The following DLG2 variants were observed in gnomAD, a reference collection of about 807,000 sequenced individuals.
The protein encoded by DLG2 is discs large MAGUK scaffold protein 2, also known as disks large homolog 2.
A neutral mutation model predicts 132.5 loss-of-function variants in DLG2; 45 were observed. The ratio of observed to expected loss-of-function variants is 0.34; its 90% CI spans 0.27 to 0.44. The LOEUF is 0.44. Among genes scored for constraint, DLG2 ranks in the 20% least tolerant of loss-of-function variants. The probability of loss-of-function intolerance (pLI) is 1.00; values close to 1 mark genes in which losing one functional copy is unlikely to be tolerated. For synonymous variants in DLG2, 424 were observed against 419.6 expected, an observed-to-expected ratio of 1.01 and a Z score of -0.13; for missense variants, 1,045 against 1,196.9, an observed-to-expected ratio of 0.87 and a Z score of 1.87.
chr11:84,266,552 G>A (rs2097639216), intron 7 of DLG2, among the ~76,000 whole-genome samples: 1 of 152,156 alleles, frequency 6.6e-6, no homozygotes, highest in Admixed American at 6.5e-5. Context: ...TAAGAGGAAG[G>A]AAACAGGGAA....
chr11:85,177,306 C>CACACAT (rs2079354931), intron 4 of DLG2, among the ~76,000 whole-genome samples: 3 of 150,626 alleles, frequency 2.0e-5, no homozygotes, highest in Admixed American at 6.6e-5. Flanking sequence ...CACACACACA[C>CACACAT]ACATACATAC....
At chr11:85,083,049 A>T (rs1334861812) in intron 6 of DLG2, among the ~76,000 whole-genome samples, 1 of 152,066 alleles carries the variant, frequency 6.6e-6, no homozygotes, top group Non-Finnish European at 1.5e-5. Context: ...ACTGTCTACC[A>T]TCTCAGTAGC....
Position 85,463,960 on chromosome 11 carries a change from A to ATATAT in DLG2, c.40+134692_40+134696dup, listed in dbSNP as rs2092697391. Among the ~76,000 whole-genome samples, 6 of 151,506 alleles carry ATATAT rather than the reference A, an allele frequency of 4.0e-5. No homozygotes were observed. In the East Asian group the frequency reaches 1.2e-3, roughly 29 times the overall value. On this transcript the variant is annotated intron_variant, in intron 3 of 27. Transcript: ENST00000376104. ...AATTTAATATACTGTACTATTTAAT[A>ATATAT]TATATTATGCACCATATAGACATAC...
intron 6 of DLG2, among the ~76,000 whole-genome samples, chr11:84,897,508 T>A (rs1320471691): frequency 6.6e-6 from 1 of 151,882 alleles, no homozygotes; most frequent in Non-Finnish European, 1.5e-5. Context: ...TATACTCTTC[T>A]CTTCAACCAT....
intron 8 of DLG2, among the ~76,000 whole-genome samples, chr11:84,171,514 T>C (rs1480936552): frequency 2.0e-5 from 3 of 152,192 alleles, no homozygotes; most frequent in Non-Finnish European, 4.4e-5. Flanking sequence ...TTACTTAAGA[T>C]AATGGCCTCC....
At chr11:83,690,382 C>T (rs1043432098) in intron 18 of DLG2, among the ~76,000 whole-genome samples, 7 of 151,430 alleles carry the variant, frequency 4.6e-5, no homozygotes, top group African/African-American at 1.7e-4. Context: ...TCTGTACAAA[C>T]CAGTTTTTTA....
intron 4 of DLG2, among the ~76,000 whole-genome samples, chr11:85,178,215 G>C (rs552621581): frequency 6.6e-6 from 1 of 151,900 alleles, no homozygotes; most frequent in Admixed American, 6.6e-5. Flanking sequence ...TTATACAAAA[G>C]AATATACTTG....
intron 21 of DLG2, among the ~76,000 whole-genome samples, chr11:83,515,079 T>C (rs1283254130): frequency 6.6e-6 from 1 of 152,150 alleles, no homozygotes; most frequent in Non-Finnish European, 1.5e-5. Context: ...TTTCTATTGA[T>C]TGGAATAGTT....
intron 21 of DLG2, among the ~76,000 whole-genome samples, chr11:83,524,347 C>A (rs1032948411): frequency 1.3e-5 from 2 of 152,080 alleles, no homozygotes; most frequent in African/African-American, 4.8e-5. Context: ...TCTGATCCTG[C>A]AGGACAGGGG....
intron 7 of DLG2, among the ~76,000 whole-genome samples, chr11:84,350,448 T>G (rs973028292): frequency 6.6e-6 from 1 of 152,168 alleles, no homozygotes; most frequent in African/African-American, 2.4e-5. Context: ...TCCACATCTA[T>G]GTAAGAGAAT....
intron 6 of DLG2, among the ~76,000 whole-genome samples, chr11:85,085,362 A>G (rs1403438033): frequency 1.3e-5 from 2 of 152,110 alleles, no homozygotes; most frequent in Non-Finnish European, 2.9e-5. Flanking sequence ...TCATGATGCT[A>G]GAAACTGCTC....
intron 6 of DLG2, among the ~76,000 whole-genome samples, chr11:84,985,448 C>G (rs1345994843): frequency 6.6e-6 from 1 of 151,928 alleles, no homozygotes; most frequent in Non-Finnish European, 1.5e-5. Flanking sequence ...GTGACACAAC[C>G]TATCAAAACT....
At chr11:85,093,186 G>T (rs2069102394) in intron 6 of DLG2, among the ~76,000 whole-genome samples, 1 of 152,146 alleles carries the variant, frequency 6.6e-6, no homozygotes, top group Admixed American at 6.5e-5. Context: ...GATTCAGAAG[G>T]TTGCCGGGCT....
chr11:85,029,401 G>T (rs1044541184), intron 6 of DLG2, among the ~76,000 whole-genome samples: 2 of 152,190 alleles, frequency 1.3e-5, no homozygotes, highest in Admixed American at 6.5e-5. Flanking sequence ...TGATTAGGAG[G>T]TACAACATGG....
chr11:84,371,065 T>C lies in DLG2; in HGVS notation c.520-119774A>G, dbSNP rs182888855. ...AAGGACCAAAGTCTTTTTGTCGCTT[T>C]AGATCTAAAGAGGTCAGTGAGATGT... On this transcript the variant is annotated intron_variant, in intron 7 of 27. Coordinates refer to ENST00000376104, the MANE Select transcript of DLG2 (RefSeq NM_001142699.3). 1.2e-3 allele frequency among the ~76,000 whole-genome samples: 190 copies of C among 152,238 alleles called. No homozygotes were observed. In the Middle Eastern group the frequency reaches 0.014, roughly 11 times the overall value.
At chr11:84,945,633 G>C (rs1278250257) in intron 6 of DLG2, among the ~76,000 whole-genome samples, 1 of 152,182 alleles carries the variant, frequency 6.6e-6, no homozygotes, top group African/African-American at 2.4e-5. Context: ...TAGGCTTATG[G>C]CCTTTTCTTT....
At chr11:85,450,748 T>A (rs946947469) in intron 3 of DLG2, among the ~76,000 whole-genome samples, 1 of 152,204 alleles carries the variant, frequency 6.6e-6, no homozygotes, top group African/African-American at 2.4e-5. Flanking sequence ...TAATTTTCTA[T>A]GAATCTCAAT....
chr11:84,694,340 G>T (rs972133919), intron 6 of DLG2, among the ~76,000 whole-genome samples: 1 of 151,546 alleles, frequency 6.6e-6, no homozygotes, highest in South Asian at 2.1e-4. Context: ...GCACTTGAAC[G>T]AATCAGTTTT....
intron 3 of DLG2, among the ~76,000 whole-genome samples, chr11:85,323,957 A>G (rs1156368439): frequency 6.6e-6 from 1 of 152,082 alleles, no homozygotes; most frequent in Non-Finnish European, 1.5e-5. Flanking sequence ...GTCACTTCCA[A>G]TTGTTCCCAT....
Sources: allele counts gnomAD v4.1 joint callset (sites outside exome capture counted in the v4.1 genomes callset), GRCh38; gene constraint gnomAD v4.1.1; transcripts MANE v1.5; gene names NCBI Gene and HGNC (gene_info 2026-07-23, HGNC 2026-07-21).